The following RAPGEF1 variants were observed in gnomAD, a reference collection of about 807,000 sequenced individuals.
The protein encoded by RAPGEF1 is CRK SH3-binding GNRP.
In RAPGEF1, 33 loss-of-function variants were observed where a neutral mutation model predicts 143.3. The ratio of observed to expected loss-of-function variants is 0.23; its 90% confidence interval spans 0.17 to 0.31. The LOEUF (loss-of-function observed/expected upper bound fraction) is 0.31. Ranked by LOEUF, RAPGEF1 falls within the 10% of genes least tolerant of loss-of-function variation. The pLI is 1.00. For missense variants in RAPGEF1, 1,199 were observed against 1,645.4 expected (o/e 0.73, Z 4.69); for synonymous variants, 629 against 676.5 (o/e 0.93, Z 1.09).
Position 131,621,670 on chromosome 9 carries a change from A to C in RAPGEF1, c.1905+126T>G. 1 of 983,906 alleles carries C rather than the reference A, an allele frequency of 1.0e-6. No individual in the cohort carries two copies. Among genetic ancestry groups the C allele is most frequent in the Non-Finnish European group, 1.5e-6 (1 of 669,914 alleles). 60.9% of individuals were successfully genotyped at this position (983,906 alleles called of 1,614,324 possible). ...ATCTGTGTGGGAGATGGTGCCTTCC[A>C]CGCCCAAAACCAGGGCCCTGCCACA... On this transcript the variant is annotated intron_variant, in intron 11 of 26. Coordinates refer to ENST00000683357, the MANE Select transcript of RAPGEF1 (RefSeq NM_001377935.1). The surrounding 1 kb of genome is among the most constrained non-coding windows in gnomAD (Gnocchi z 4.5).
chr9:131,684,095 A>T (rs373199095), intron 1 of RAPGEF1, among the ~76,000 whole-genome samples: 2 of 152,394 alleles, frequency 1.3e-5, no homozygotes, highest in East Asian at 3.9e-4. Flanking sequence ...TTACCTGGAA[A>T]GAAGCTAAAG....
chr9:131,696,160 AGC>A (rs1420888553), intron 1 of RAPGEF1, among the ~76,000 whole-genome samples: 1 of 152,164 alleles, frequency 6.6e-6, no homozygotes, highest in Admixed American at 6.5e-5. Context: ...GGCTGGCGGA[AGC>A]TACAACATCT....
intron 16 of RAPGEF1, among the ~76,000 whole-genome samples, chr9:131,597,100 C>A (rs1455246796): frequency 6.6e-6 from 1 of 152,238 alleles, no homozygotes; most frequent in African/African-American, 2.4e-5. Flanking sequence ...CAGGACAACC[C>A]CCCAGGCCTG....
At chr9:131,654,460 C>T (rs896744929) in intron 1 of RAPGEF1, among the ~76,000 whole-genome samples, 5 of 152,138 alleles carry the variant, frequency 3.3e-5, no homozygotes, top group Admixed American at 2.6e-4. Context: ...CCTGTAATTC[C>T]AGCACTTTGG....
intron 17 of RAPGEF1, among the ~76,000 whole-genome samples, chr9:131,595,244 GAACA>G (rs1955050696): frequency 6.6e-6 from 1 of 152,280 alleles, no homozygotes; most frequent in African/African-American, 2.4e-5. Flanking sequence ...GCCCTGGTCA[GAACA>G]AACAAAGGGT....
At chr9:131,619,271 T>A in intron 11 of RAPGEF1, 65 bp from the exon 12 acceptor site, 1 of 1,250,914 alleles carries the variant, frequency 8.0e-7, no homozygotes, top group Admixed American at 2.3e-5. Context: ...AACAGTCAGG[T>A]CCGTGCAGGG....
At chr9:131,640,776 G>A (rs1328616563) in intron 4 of RAPGEF1, among the ~76,000 whole-genome samples, 4 of 152,124 alleles carry the variant, frequency 2.6e-5, no homozygotes, top group African/African-American at 4.8e-5. Flanking sequence ...CGGAAGAAAC[G>A]AGAAAGGACC....
At chr9:131,729,366 C>G (rs796701698) in intron 1 of RAPGEF1, among the ~76,000 whole-genome samples, 109 of 152,232 alleles carry the variant, frequency 7.2e-4, no homozygotes, top group African/African-American at 2.6e-3. Flanking sequence ...GTGGGTGGAA[C>G]TACTTTAACT....
At chr9:131,682,453 C>A (rs148796057) in intron 1 of RAPGEF1, among the ~76,000 whole-genome samples, 17 of 152,280 alleles carry the variant, frequency 1.1e-4, no homozygotes, top group Middle Eastern at 3.4e-3. Context: ...GGGGAACCTC[C>A]GCAAAAGGTT....
chr9:131,662,597 G>A (rs112921883), intron 1 of RAPGEF1, among the ~76,000 whole-genome samples: 1,830 of 151,634 alleles, frequency 0.012, 16 homozygotes, highest in Non-Finnish European at 0.018. Flanking sequence ...ACCAAGGCTG[G>A]AGTGCAGTGG....
rs905210256 is a variant in RAPGEF1 at position 131,724,262 on chromosome 9, C to T, written c.61+15508G>A. 2.0e-5 allele frequency among the ~76,000 whole-genome samples: 3 copies of T among 152,132 alleles called. No individual in the cohort carries two copies. The East Asian group carries it at 5.8e-4, about 29-fold the overall frequency. ...GACATGCTTTCAGGAAGGCCATATA[C>T]ACATACGAAGTAGCAGACTGCCCAT... On this transcript the variant is annotated intron_variant, in intron 1 of 26. Transcript: ENST00000683357.
At chr9:131,631,069 C>T (rs1323510501) in intron 5 of RAPGEF1, among the ~76,000 whole-genome samples, 2 of 152,012 alleles carry the variant, frequency 1.3e-5, no homozygotes, top group Non-Finnish European at 1.5e-5. Context: ...AGCCAATCTG[C>T]CCCGCCCCAA....
chr9:131,582,826 C>A, intron 24 of RAPGEF1, 124 bp from the exon 25 acceptor site: 1 of 755,954 alleles, frequency 1.3e-6, no homozygotes, highest in South Asian at 1.9e-5. Flanking sequence ...CTCCACAGGT[C>A]CCACTACGCA....
chr9:131,595,012 T>A (rs1954997008), intron 17 of RAPGEF1, among the ~76,000 whole-genome samples: 1 of 152,242 alleles, frequency 6.6e-6, no homozygotes, highest in Non-Finnish European at 1.5e-5. Flanking sequence ...AAGCAAGGGC[T>A]GCACTCGGCG....
rs1435749181 is a variant in RAPGEF1 at position 131,619,180 on chromosome 9, G to A, written c.1932C>T (p.Ser644=). 1.5e-6 allele frequency: 2 copies of A among 1,306,734 alleles called. No individual in the cohort carries two copies. Among genetic ancestry groups the A allele is most frequent in the African/African-American group, 1.5e-5 (1 of 65,994 alleles). 80.9% of individuals were successfully genotyped at this position (1,306,734 alleles called of 1,614,324 possible). Residue 644 remains serine (S), a synonymous_variant, in exon 12 of 27, where the codon TCC becomes TCT. Transcript: ENST00000683357. ...QLASCAASSF[S]SVSHCVQQTK... ...TTTGCTGGACACAGTGGGAGACAGA[G>A]GAGAAGGAAGAAGCAGCACAGGAGG...
chr9:131,629,079 T>C (rs1433862335), intron 7 of RAPGEF1, 23 bp downstream of exon 7: 2 of 1,606,400 alleles, frequency 1.2e-6, no homozygotes, highest in East Asian at 2.2e-5. Context: ...TGGGAGGCAC[T>C]GGACAAATAG....
At chr9:131,720,441 C>A (rs889497043) in intron 1 of RAPGEF1, among the ~76,000 whole-genome samples, 1 of 152,174 alleles carries the variant, frequency 6.6e-6, no homozygotes, top group Admixed American at 6.5e-5. Context: ...CAGTGTCACC[C>A]AGGGAACTCG....
intron 19 of RAPGEF1, 36 bp downstream of exon 19, chr9:131,589,850 C>T (rs1280521400): frequency 2.5e-6 from 4 of 1,580,818 alleles, no homozygotes; most frequent in African/African-American, 1.3e-5. Context: ...TTTGCCTCCC[C>T]ACTGGCCCCC....
chr9:131,598,208 G>A lies in RAPGEF1; in HGVS notation c.2604C>T (p.Leu868=), dbSNP rs774415667. 11 of 1,613,822 alleles carry A rather than the reference G, an allele frequency of 6.8e-6. No individual in the cohort carries two copies. The East Asian group carries it at 1.8e-4, about 26-fold the overall frequency. ...CCCGGGAAGTTCTCACCTCCTGCTTGAGCGTCAGCCTGGACATAATTTCGT... is the reference window on the plus strand; with the variant it reads ...CCCGGGAAGTTCTCACCTCCTGCTTAAGCGTCAGCCTGGACATAATTTCGT... ...DHNEIMSRLT[L]KQEGDDGPDV... is the part of the protein sequence containing the mutation. Residue 868 remains leucine (L), a synonymous_variant, in exon 16 of 27, where the codon CTC becomes CTT. Coordinates refer to ENST00000683357, the MANE Select transcript of RAPGEF1 (RefSeq NM_001377935.1).
Sources: gnomAD v4.1 joint callset for allele counts (sites outside exome capture counted in the v4.1 genomes callset) on GRCh38, gnomAD v4.1.1 for gene constraint, Gnocchi (gnomAD v3.1) non-coding constraint, MANE v1.5 for transcripts, NCBI Gene and HGNC (gene_info 2026-07-23, HGNC 2026-07-21) for gene names.